The following ERC2 variants were observed in gnomAD, a reference collection of about 807,000 sequenced individuals.
The protein encoded by ERC2 is ERC protein 2.
In ERC2, 42 loss-of-function variants were observed where a neutral mutation model predicts 114.8. That is an observed-to-expected ratio of 0.37 (90% confidence interval 0.29 to 0.47). The LOEUF is 0.47. Among genes scored for constraint, ERC2 ranks in the 20% least tolerant of loss-of-function variants. The pLI is 0.99. For synonymous variants in ERC2, 454 were observed against 425.5 expected (o/e 1.07, Z -0.82); for missense variants, 939 against 1,150.7 (o/e 0.82, Z 2.66).
At chr3:56,351,221 C>T (rs1239304687) in intron 2 of ERC2, among the ~76,000 whole-genome samples, 1 of 151,844 alleles carries the variant, frequency 6.6e-6, no homozygotes, top group Non-Finnish European at 1.5e-5. Flanking sequence ...AAAAACTTTC[C>T]CAGTGGAAGA....
Position 55,781,789 on chromosome 3 carries a change from T to C in ERC2, c.2565-46871A>G, listed in dbSNP as rs371212494. 2.4e-4 allele frequency among the ~76,000 whole-genome samples: 36 copies of C among 151,088 alleles called. 1 individual carries two copies. In the East Asian group the frequency reaches 5.3e-3, roughly 22 times the overall value. On this transcript the variant is annotated intron_variant, in intron 14 of 17. Transcript: ENST00000288221. ...CAGGAGGCAAAGGCAGGAGAATCGA[T>C]TGAACCCAGGATGTGGAGGTTGCAG...
At chr3:55,638,415 C>G (rs575795517) in intron 17 of ERC2, among the ~76,000 whole-genome samples, 90 of 152,162 alleles carry the variant, frequency 5.9e-4, no homozygotes, top group Non-Finnish European at 1.0e-3. Context: ...GAAAGTTATT[C>G]CCCGAGGGGC....
chr3:55,966,147 T>C (rs2068734945), intron 12 of ERC2, among the ~76,000 whole-genome samples: 1 of 152,180 alleles, frequency 6.6e-6, no homozygotes, highest in Non-Finnish European at 1.5e-5. Context: ...AACAAGGGGC[T>C]AGGGTCAAAT....
At chr3:55,780,598 T>A (rs570624661) in intron 14 of ERC2, among the ~76,000 whole-genome samples, 1 of 152,358 alleles carries the variant, frequency 6.6e-6, no homozygotes, top group South Asian at 2.1e-4. Context: ...AAAATCTCCA[T>A]CATAACAATT....
chr3:56,029,264 C>A (rs191804093), intron 7 of ERC2, among the ~76,000 whole-genome samples: 176 of 151,946 alleles, frequency 1.2e-3, no homozygotes, highest in Non-Finnish European at 2.0e-3. Flanking sequence ...GGTTGTTCTG[C>A]GGGTTTTTGG....
intron 17 of ERC2, among the ~76,000 whole-genome samples, chr3:55,548,511 A>C (rs2054917167): frequency 6.6e-6 from 1 of 152,136 alleles, no homozygotes; most frequent in Non-Finnish European, 1.5e-5. Context: ...ACTTGCTCTC[A>C]CTTAAGTCCC....
At chr3:55,892,892 C>T (rs961337223) in intron 13 of ERC2, among the ~76,000 whole-genome samples, 2 of 152,118 alleles carry the variant, frequency 1.3e-5, no homozygotes, top group African/African-American at 2.4e-5. Context: ...TCAATGTTTA[C>T]GTACCCCCAC....
At chr3:56,010,636 A>G in intron 8 of ERC2, 47 bp from the exon 9 acceptor site, 9 of 1,584,616 alleles carry the variant, frequency 5.7e-6, no homozygotes, top group Non-Finnish European at 7.7e-6. Context: ...CCATCAGTGT[A>G]TATGCCAAAG....
chr3:55,702,028 G>T (rs939204905), intron 15 of ERC2, among the ~76,000 whole-genome samples: 1 of 152,128 alleles, frequency 6.6e-6, no homozygotes, highest in African/African-American at 2.4e-5. Flanking sequence ...ATCCTTTGGG[G>T]AAGCTCCTGT....
chr3:56,344,509 G>A (rs894731179), intron 2 of ERC2, among the ~76,000 whole-genome samples: 7 of 152,110 alleles, frequency 4.6e-5, no homozygotes, highest in Non-Finnish European at 8.8e-5. Context: ...TTCCTCACCC[G>A]CCACACCAAA....
intron 2 of ERC2, among the ~76,000 whole-genome samples, chr3:56,410,107 T>C (rs897176847): frequency 6.6e-6 from 1 of 152,236 alleles, no homozygotes; most frequent in African/African-American, 2.4e-5. Flanking sequence ...AACAGAGTTA[T>C]CTTTTTCAGT....
intron 6 of ERC2, among the ~76,000 whole-genome samples, chr3:56,087,321 C>A (rs370275512): frequency 9.2e-5 from 14 of 151,870 alleles, no homozygotes; most frequent in African/African-American, 3.4e-4. Context: ...AAGAAAAGAA[C>A]CATGGCAATG....
Position 56,126,650 on chromosome 3 carries a change from G to A in ERC2, c.1473+12859C>T, listed in dbSNP as rs1299376648. 3.3e-5 allele frequency among the ~76,000 whole-genome samples: 5 copies of A among 151,992 alleles called. No individual in the cohort carries two copies. The East Asian group carries it at 9.6e-4, about 29-fold the overall frequency. ...GTATGTAGTAGTCCCAGCTACTTGG[G>A]AGGCTGAGGCAGGAGGATTGCTTGA... is the stretch of plus-strand genomic sequence containing the variant. On this transcript the variant is annotated intron_variant, in intron 6 of 17. Transcript: ENST00000288221.
chr3:55,935,870 G>A (rs963405153), intron 13 of ERC2, among the ~76,000 whole-genome samples: 1 of 152,140 alleles, frequency 6.6e-6, no homozygotes, highest in African/African-American at 2.4e-5. Flanking sequence ...AAACAGCTAG[G>A]GTAGCTCAAC....
chr3:56,050,142 T>C (rs1207192001), intron 7 of ERC2, among the ~76,000 whole-genome samples: 1 of 152,202 alleles, frequency 6.6e-6, no homozygotes, highest in African/African-American at 2.4e-5. Context: ...CATGGGACTG[T>C]ATGGATTTTT....
At chr3:55,753,750 G>C (rs549697525) in intron 14 of ERC2, among the ~76,000 whole-genome samples, 4 of 152,196 alleles carry the variant, frequency 2.6e-5, no homozygotes, top group Non-Finnish European at 5.9e-5. Context: ...TGAGAGATCT[G>C]ACAATAATCC....
At chr3:56,104,627 T>A (rs377301145) in intron 6 of ERC2, among the ~76,000 whole-genome samples, 1,052 of 64,076 alleles carry the variant, frequency 0.016, 14 homozygotes, top group African/African-American at 0.048. Flanking sequence ...ACATTCTAGA[T>A]CCTGTATTTT....
At position 55,624,010 on chromosome 3, in the gene ERC2, C is replaced by T. The variant is rs3913368; in HGVS notation, c.*39+59784G>A. ...TGATTGCCAAAGGAGAATCTGCCAA[C>T]GGTGATCAAGAGAAGGGAATTCCAA... On this transcript the variant is annotated intron_variant, in intron 17 of 17. Transcript: ENST00000288221. 7.2e-3 allele frequency among the ~76,000 whole-genome samples: 1,100 copies of T among 152,212 alleles called. 17 individuals are homozygous for T. The highest frequency in any genetic ancestry group is 0.024 in the African/African-American group (984 of 41,530).
At chr3:56,277,440 A>C (rs756520073) in intron 3 of ERC2, among the ~76,000 whole-genome samples, 1 of 152,024 alleles carries the variant, frequency 6.6e-6, no homozygotes, top group Non-Finnish European at 1.5e-5. Flanking sequence ...TCTCCTCCCA[A>C]AACCCTGCCT....
Sources: allele counts gnomAD v4.1 joint callset (sites outside exome capture counted in the v4.1 genomes callset), GRCh38; gene constraint gnomAD v4.1.1; transcripts MANE v1.5; gene names NCBI Gene and HGNC (gene_info 2026-07-23, HGNC 2026-07-21).